MMS22L: variants seen among roughly 807,000 people sequenced by gnomAD.
MMS22L encodes the protein MMS22 like, DNA repair protein.
MMS22L carries 74 observed loss-of-function variants against 159.1 expected under a neutral mutation model. That is an observed-to-expected ratio of 0.47 (90% CI 0.39 to 0.56). The LOEUF is 0.56. Among genes scored for constraint, MMS22L ranks in the 20% least tolerant of loss-of-function variants. The probability of loss-of-function intolerance (pLI) is 0.00; values close to 1 mark genes in which losing one functional copy is unlikely to be tolerated. For synonymous variants in MMS22L, 517 were observed against 506.9 expected (o/e 1.02, Z -0.27); for missense variants, 1,351 against 1,422.1 (o/e 0.95, Z 0.80).
At chr6:97,170,329 C>T (rs984792209) in intron 19 of MMS22L, among the ~76,000 whole-genome samples, 2 of 151,958 alleles carry the variant, frequency 1.3e-5, no homozygotes, top group African/African-American at 4.8e-5. Flanking sequence ...CTATCAGACA[C>T]CTACTTTTTA....
intron 3 of MMS22L, among the ~76,000 whole-genome samples, chr6:97,279,484 A>T (rs1231116952): frequency 8.0e-6 from 1 of 125,126 alleles, no homozygotes; most frequent in Non-Finnish European, 1.6e-5. Flanking sequence ...ACTTCGTCTC[A>T]AAAAAAAAAG....
chr6:97,280,623 GT>G (rs1297313397), intron 3 of MMS22L, among the ~76,000 whole-genome samples: 2 of 152,054 alleles, frequency 1.3e-5, no homozygotes, highest in African/African-American at 4.8e-5. Context: ...CGTCCTCATC[GT>G]TTTTAAAAAG....
intron 15 of MMS22L, among the ~76,000 whole-genome samples, chr6:97,183,899 C>G (rs1266823480): frequency 6.6e-6 from 1 of 152,110 alleles, no homozygotes; most frequent in Non-Finnish European, 1.5e-5. Context: ...TATTTAAAAA[C>G]CAAACAAAAA....
At chr6:97,155,300 G>T (rs547239593) in intron 22 of MMS22L, among the ~76,000 whole-genome samples, 1 of 141,052 alleles carries the variant, frequency 7.1e-6, no homozygotes, top group Non-Finnish European at 1.5e-5. Context: ...ATTTTTTAAC[G>T]TAGTCTTCCA....
chr6:97,263,523 T>A, intron 8 of MMS22L, 75 bp from the exon 9 acceptor site: 1 of 639,734 alleles, frequency 1.6e-6, no homozygotes, highest in Non-Finnish European at 2.5e-6. Flanking sequence ...TTTCAAATAC[T>A]TTTAAAAGAA....
At chr6:97,225,435 C>G (rs923118665) in intron 14 of MMS22L, among the ~76,000 whole-genome samples, 1 of 152,004 alleles carries the variant, frequency 6.6e-6, no homozygotes, top group Non-Finnish European at 1.5e-5. Flanking sequence ...ACTGCAACCA[C>G]CACCTCCCGG....
chr6:97,184,462 C>G (rs1805023191), intron 15 of MMS22L, among the ~76,000 whole-genome samples: 1 of 152,034 alleles, frequency 6.6e-6, no homozygotes, highest in Admixed American at 6.6e-5. Flanking sequence ...TAAGTGCCTA[C>G]TTAACATGCC....
Position 97,246,627 on chromosome 6 carries a change from C to G in MMS22L, c.1182+1G>C. On this transcript the variant is annotated splice_donor_variant, in intron 11 of 24. Coordinates refer to ENST00000683635, the MANE Select transcript of MMS22L (RefSeq NM_001350599.2). LOFTEE classifies it high-confidence loss of function. ...CAAACTGTCTTACTTTAATTGCATA[C>G]CTGAACACTGATGGACTTTTTCAGC... is the stretch of plus-strand genomic sequence containing the variant. The G allele has an allele frequency of 1.2e-6, 2 of 1,608,882 alleles. No individual in the cohort carries two copies. The highest frequency in any genetic ancestry group is 1.7e-6 in the Non-Finnish European group (2 of 1,177,676).
chr6:97,187,871 CTG>C (rs1406322160), intron 14 of MMS22L, among the ~76,000 whole-genome samples: 1 of 152,200 alleles, frequency 6.6e-6, no homozygotes, highest in African/African-American at 2.4e-5. Flanking sequence ...TAAGTATAAA[CTG>C]TATAACATTA....
chr6:97,228,795 G>A, intron 14 of MMS22L, 99 bp downstream of exon 14: 1 of 1,133,620 alleles, frequency 8.8e-7, no homozygotes, highest in South Asian at 1.8e-5. Flanking sequence ...TGGATTTCAT[G>A]TGTATTTGTA....
At chr6:97,253,241 T>C (rs570054854) in intron 10 of MMS22L, among the ~76,000 whole-genome samples, 8 of 152,296 alleles carry the variant, frequency 5.3e-5, no homozygotes, top group Non-Finnish European at 7.4e-5. Context: ...TATGATGCTA[T>C]ATTAATACTA....
intron 20 of MMS22L, 28 bp from the exon 21 acceptor site, chr6:97,165,485 A>G (rs776382822): frequency 1.1e-5 from 18 of 1,574,006 alleles, no homozygotes; most frequent in Non-Finnish European, 1.6e-5. Context: ...AAGAAATACT[A>G]AGAGGTAAAG....
chr6:97,231,833 C>T (rs1810905976), intron 12 of MMS22L, among the ~76,000 whole-genome samples, 181 bp from the exon 13 acceptor site: 2 of 152,104 alleles, frequency 1.3e-5, no homozygotes, highest in African/African-American at 4.8e-5. Context: ...CAAGAGGTGT[C>T]CAAATTTTGG....
chr6:97,148,004 A>G (rs990713566), intron 24 of MMS22L, among the ~76,000 whole-genome samples: 2 of 152,222 alleles, frequency 1.3e-5, no homozygotes, highest in Non-Finnish European at 2.9e-5. Flanking sequence ...ACACATGCAT[A>G]TGATTATAGT....
At chr6:97,260,725 T>A (rs953143522) in intron 9 of MMS22L, 48 of 152,328 alleles carry the variant, frequency 3.2e-4, no homozygotes, top group African/African-American at 1.1e-3. Context: ...AAGTTTATAA[T>A]GGTCTAGTTT....
chr6:97,254,737 T>G lies in MMS22L; in HGVS notation c.943-4A>C, dbSNP rs769235382. 7 of 1,583,270 alleles carry G rather than the reference T, an allele frequency of 4.4e-6. No individual in the cohort carries two copies. Among genetic ancestry groups the G allele is most frequent in the Non-Finnish European group, 6.0e-6 (7 of 1,168,762 alleles). On this transcript the variant is annotated splice_region_variant and splice_polypyrimidine_tract_variant and intron_variant, in intron 9 of 24. Transcript: ENST00000683635. The stretch of plus-strand genomic sequence containing the variant: ...TATTCAACCAGTTCCAAAATGACTA[T>G]AGAAACAGAAGTAATTTGATTCCAT...
At chr6:97,224,561 T>TAA (rs1382157364) in intron 14 of MMS22L, among the ~76,000 whole-genome samples, 3 of 141,154 alleles carry the variant, frequency 2.1e-5, no homozygotes, top group Non-Finnish European at 1.6e-5. Flanking sequence ...CTGACTCATT[T>TAA]AAAAAAAAAA....
At chr6:97,227,584 G>T (rs1046736750) in intron 14 of MMS22L, among the ~76,000 whole-genome samples, 1 of 152,064 alleles carries the variant, frequency 6.6e-6, no homozygotes, top group African/African-American at 2.4e-5. Context: ...ATGAAAACAC[G>T]GCATAGAATA....
intron 9 of MMS22L, chr6:97,261,092 T>C (rs1266635246): frequency 6.6e-6 from 1 of 152,236 alleles, no homozygotes; most frequent in African/African-American, 2.4e-5. Context: ...TATCTTCACA[T>C]TCTGGCAATG....
Sources: allele counts gnomAD v4.1 joint callset (sites outside exome capture counted in the v4.1 genomes callset), GRCh38; gene constraint gnomAD v4.1.1; transcripts MANE v1.5; gene names NCBI Gene and HGNC (gene_info 2026-07-23, HGNC 2026-07-21).